The following CDK13 variants were observed in gnomAD, a reference collection of about 807,000 sequenced individuals.
CDK13 encodes the protein cyclin-dependent kinase 13.
A neutral mutation model predicts 137.6 loss-of-function variants in CDK13; 40 were observed. The observed-to-expected ratio is 0.29, with a 90% confidence interval of 0.23 to 0.38. The LOEUF is 0.38. CDK13 is among the 10% of genes least tolerant of loss of function. The pLI, the probability that CDK13 is intolerant of heterozygous loss-of-function variation, is 1.00. For missense variants in CDK13, 1,704 were observed against 1,951.8 expected, an observed-to-expected ratio of 0.87 and a Z score of 2.39; for synonymous variants, 869 against 760.1, an observed-to-expected ratio of 1.14 and a Z score of -2.36.
intron 5 of CDK13, among the ~76,000 whole-genome samples, chr7:40,016,278 A>G (rs577743506): frequency 3.3e-5 from 5 of 152,336 alleles, no homozygotes; most frequent in South Asian, 2.1e-4. Context: ...AGTTATGTCA[A>G]CGTGGGCAAA....
At chr7:40,005,603 G>A (rs1178420589) in intron 5 of CDK13, among the ~76,000 whole-genome samples, 1 of 152,098 alleles carries the variant, frequency 6.6e-6, no homozygotes, top group Non-Finnish European at 1.5e-5. Flanking sequence ...TGCCAAAAGT[G>A]AAATTTTATT....
chr7:39,978,231 G>A (rs558779779), intron 1 of CDK13, among the ~76,000 whole-genome samples: 1 of 152,190 alleles, frequency 6.6e-6, no homozygotes, highest in Non-Finnish European at 1.5e-5. Flanking sequence ...AGCCATAGAA[G>A]TAAGAAAATC....
At chr7:40,071,607 A>G (rs1235468112) in intron 9 of CDK13, 1 of 152,168 alleles carries the variant, frequency 6.6e-6, no homozygotes, top group East Asian at 1.9e-4. Flanking sequence ...TTTATCTGTG[A>G]TGATTTTGTG....
chr7:40,094,103 A>G lies in CDK13; in HGVS notation c.3689-27A>G, dbSNP rs572261208. ...ATTTAGTTTTCCATGGTAACTTTTG[A>G]CCTTGTTTTTGCTCTGTTTCACTTA... On this transcript the variant is annotated intron_variant, in intron 13 of 13. Transcript: ENST00000181839. 5.0e-6 allele frequency: 8 copies of G among 1,605,144 alleles called. No individual in the cohort carries two copies. The South Asian group carries it at 8.9e-5, about 18-fold the overall frequency.
intron 1 of CDK13, among the ~76,000 whole-genome samples, chr7:39,982,277 G>A (rs1406358355): frequency 6.7e-6 from 1 of 148,442 alleles, no homozygotes; most frequent in African/African-American, 2.5e-5. Context: ...TTGGTTTTTT[G>A]TCCTTGTGAT....
chr7:40,092,179 A>G (rs997645278), intron 12 of CDK13: 1 of 152,276 alleles, frequency 6.6e-6, no homozygotes, highest in Non-Finnish European at 1.5e-5. Context: ...CATGATTTCA[A>G]TATAGTGCAA....
intron 5 of CDK13, among the ~76,000 whole-genome samples, chr7:40,010,434 A>G (rs1008799066): frequency 6.6e-6 from 1 of 152,240 alleles, no homozygotes; most frequent in Non-Finnish European, 1.5e-5. Context: ...CTGTAATCCC[A>G]GCACCTTGGG....
chr7:39,953,301 C>T (rs951860327), intron 1 of CDK13, among the ~76,000 whole-genome samples: 2 of 152,162 alleles, frequency 1.3e-5, no homozygotes, highest in South Asian at 2.1e-4. Flanking sequence ...GCCATTGTAT[C>T]TTGTAAGACT....
Position 40,098,009 on chromosome 7 carries a change from G to A in CDK13, c.*3029G>A, listed in dbSNP as rs1233571932. The A allele has an allele frequency of 6.6e-6, 1 of 152,050 alleles. No individual in the cohort carries two copies. The highest frequency in any genetic ancestry group is 1.5e-5 in the Non-Finnish European group (1 of 67,962). The allele number at this position is 152,050 out of a possible 1,614,324, so 9.4% of individuals were successfully genotyped here. On this transcript the variant is annotated 3_prime_UTR_variant, in exon 14 of 14. Coordinates refer to ENST00000181839, the MANE Select transcript of CDK13 (RefSeq NM_003718.5). ...GACAGTGAGCAAGATTTTTTTAAAT[G>A]TCTGGAGAAGTTAGTGGTATTTGCT... is the stretch of plus-strand genomic sequence containing the variant.
At chr7:39,966,547 G>C (rs1044092775) in intron 1 of CDK13, among the ~76,000 whole-genome samples, 1 of 152,000 alleles carries the variant, frequency 6.6e-6, no homozygotes, top group African/African-American at 2.4e-5. Flanking sequence ...CTTTGCCATG[G>C]GTTCGAATTT....
At chr7:40,006,771 G>A (rs2116348313) in intron 5 of CDK13, among the ~76,000 whole-genome samples, 1 of 152,292 alleles carries the variant, frequency 6.6e-6, no homozygotes, top group Admixed American at 6.5e-5. Context: ...GACAGAGTGA[G>A]ACTGTGTCTC....
intron 6 of CDK13, among the ~76,000 whole-genome samples, chr7:40,047,459 A>G (rs1785772655): frequency 6.6e-6 from 1 of 152,180 alleles, no homozygotes; most frequent in South Asian, 2.1e-4. Context: ...TACCTTGAAC[A>G]AGAAATTTGT....
At chr7:40,018,222 C>CA (rs1242698434) in intron 5 of CDK13, among the ~76,000 whole-genome samples, 1 of 152,004 alleles carries the variant, frequency 6.6e-6, no homozygotes, top group East Asian at 1.9e-4. Context: ...GGATCATTGA[C>CA]AAGCATATTA....
chr7:39,995,017 GTTTCT>G (rs1311165614), intron 2 of CDK13, among the ~76,000 whole-genome samples: 3 of 151,550 alleles, frequency 2.0e-5, no homozygotes, highest in African/African-American at 4.8e-5. Context: ...TTAAAACATG[GTTTCT>G]TTTCATTCGT....
At chr7:40,070,450 C>CA (rs1252683720) in intron 9 of CDK13, 2 of 146,604 alleles carry the variant, frequency 1.4e-5, no homozygotes, top group Non-Finnish European at 3.0e-5. Context: ...CACAATGACT[C>CA]ACGCCTGTAA....
At chr7:40,086,096 C>T (rs748020284) in intron 11 of CDK13, among the ~76,000 whole-genome samples, 3 of 152,034 alleles carry the variant, frequency 2.0e-5, no homozygotes, top group South Asian at 2.1e-4. Context: ...TTTATAAAAG[C>T]GCGTCATGCT....
chr7:39,956,961 C>T (rs1402559984), intron 1 of CDK13, among the ~76,000 whole-genome samples: 1 of 152,116 alleles, frequency 6.6e-6, no homozygotes, highest in Non-Finnish European at 1.5e-5. Context: ...GTTCTGTTTT[C>T]AAAGACATTT....
intron 4 of CDK13, 115 bp downstream of exon 4, chr7:39,999,615 G>T: frequency 9.6e-7 from 1 of 1,038,490 alleles, no homozygotes; most frequent in Non-Finnish European, 1.4e-6. Context: ...ATTTTATTGT[G>T]CTTTTGTTTC....
chr7:40,027,846 G>A (rs936694902), intron 5 of CDK13, among the ~76,000 whole-genome samples: 5 of 152,002 alleles, frequency 3.3e-5, no homozygotes, highest in African/African-American at 1.2e-4. Flanking sequence ...CCTGTGCAGT[G>A]TGAGTGTGAG....
Sources: allele counts gnomAD v4.1 joint callset (sites outside exome capture counted in the v4.1 genomes callset), GRCh38; gene constraint gnomAD v4.1.1; transcripts MANE v1.5; gene names NCBI Gene and HGNC (gene_info 2026-07-23, HGNC 2026-07-21).